FAM53B: variants seen among roughly 807,000 people sequenced by gnomAD.
The protein encoded by FAM53B is protein FAM53B.
Under a neutral mutation model 32.7 loss-of-function variants are expected in FAM53B, and 12 were observed. The ratio of observed to expected loss-of-function variants is 0.37; its 90% CI spans 0.24 to 0.59. The LOEUF (loss-of-function observed/expected upper bound fraction) is 0.59, where lower values mean the gene tolerates loss of function less well. Ranked by LOEUF, FAM53B falls within the 20% of genes least tolerant of loss-of-function variation. FAM53B has a pLI of 0.72. For synonymous variants in FAM53B, 234 were observed against 228.7 expected (o/e 1.02, Z -0.21); for missense variants, 477 against 577.7 (o/e 0.83, Z 1.79).
intron 4 of FAM53B, among the ~76,000 whole-genome samples, chr10:124,680,252 G>T (rs1387870302): frequency 6.6e-6 from 1 of 152,122 alleles, no homozygotes; most frequent in East Asian, 1.9e-4. Flanking sequence ...ACCCCTTCAG[G>T]CTCTCCCCCA....
At chr10:124,737,310 C>T (rs528281022) in intron 1 of FAM53B, among the ~76,000 whole-genome samples, 16 of 152,312 alleles carry the variant, frequency 1.1e-4, no homozygotes, top group African/African-American at 3.4e-4. Flanking sequence ...CAGACTGACA[C>T]ACTTTTGGCA....
chr10:124,638,985 T>C (rs986503712), intron 4 of FAM53B, among the ~76,000 whole-genome samples: 5 of 152,220 alleles, frequency 3.3e-5, no homozygotes, highest in African/African-American at 9.6e-5. Context: ...CTGCATTTGC[T>C]AAGGCTTTTC....
chr10:124,637,566 T>C (rs1410018178), intron 4 of FAM53B, among the ~76,000 whole-genome samples: 1 of 152,138 alleles, frequency 6.6e-6, no homozygotes, highest in Admixed American at 6.5e-5. Context: ...CCAGACCCAA[T>C]GGGCATGTCC....
Position 124,719,035 on chromosome 10 carries a change from T to G in FAM53B, c.-174-12148A>C, listed in dbSNP as rs959529141. ...TTAAGTGACAGAGAAAGATCCTGTC[T>G]CACAAAAAAAATAAAAAAAAAGAAG... On this transcript the variant is annotated intron_variant, in intron 1 of 4. Coordinates refer to ENST00000337318, the MANE Select transcript of FAM53B (RefSeq NM_014661.4). 3.5e-5 allele frequency among the ~76,000 whole-genome samples: 4 copies of G among 112,840 alleles called. No individual in the cohort carries two copies. The Admixed American group carries it at 4.4e-4, about 13-fold the overall frequency. 74.0% of individuals were successfully genotyped at this position (112,840 alleles called of 152,430 possible).
chr10:124,679,731 G>T (rs914167805), intron 4 of FAM53B, among the ~76,000 whole-genome samples: 7 of 152,234 alleles, frequency 4.6e-5, no homozygotes, highest in African/African-American at 1.7e-4. Flanking sequence ...GCCTCCTCAG[G>T]CTCCGCACAC....
chr10:124,694,994 T>C (rs2134077028), intron 3 of FAM53B, among the ~76,000 whole-genome samples: 1 of 152,314 alleles, frequency 6.6e-6, no homozygotes, highest in Non-Finnish European at 1.5e-5. Flanking sequence ...CGTATGTGAA[T>C]GATGCCACTG....
At chr10:124,688,560 G>A (rs1949815710) in intron 3 of FAM53B, among the ~76,000 whole-genome samples, 1 of 152,220 alleles carries the variant, frequency 6.6e-6, no homozygotes, top group Non-Finnish European at 1.5e-5. Flanking sequence ...TTCCAAAGCT[G>A]AGGTTTGATG....
intron 3 of FAM53B, among the ~76,000 whole-genome samples, chr10:124,688,686 C>T (rs182166707): frequency 2.0e-5 from 3 of 152,310 alleles, no homozygotes; most frequent in African/African-American, 4.8e-5. Flanking sequence ...AGGCTCTGGT[C>T]CTGCCACCGT....
intron 3 of FAM53B, among the ~76,000 whole-genome samples, chr10:124,695,861 A>G (rs1327890546): frequency 6.6e-6 from 1 of 152,230 alleles, no homozygotes; most frequent in African/African-American, 2.4e-5. Flanking sequence ...GGGCTACGAG[A>G]GATTTTTATT....
chr10:124,631,830 C>T (rs1414316985), intron 4 of FAM53B, among the ~76,000 whole-genome samples: 1 of 152,180 alleles, frequency 6.6e-6, no homozygotes. Flanking sequence ...TTCTCTCCCA[C>T]CAAAACCCGC....
chr10:124,642,326 T>G (rs1949481533), intron 4 of FAM53B, among the ~76,000 whole-genome samples: 1 of 152,068 alleles, frequency 6.6e-6, no homozygotes, highest in Non-Finnish European at 1.5e-5. Context: ...TGTGAACACG[T>G]CCACAGTGAC....
chr10:124,700,893 C>G (rs1298782958), intron 2 of FAM53B, among the ~76,000 whole-genome samples: 4 of 152,226 alleles, frequency 2.6e-5, no homozygotes, highest in African/African-American at 9.6e-5. Flanking sequence ...AGCACCCACA[C>G]TTCCGAAATG....
chr10:124,690,687 A>G (rs938932378), intron 3 of FAM53B, among the ~76,000 whole-genome samples: 1 of 152,254 alleles, frequency 6.6e-6, no homozygotes, highest in South Asian at 2.1e-4. Flanking sequence ...TGAATGGTAC[A>G]AGGAAGAATT....
At chr10:124,721,900 G>T (rs533006432) in intron 1 of FAM53B, among the ~76,000 whole-genome samples, 1 of 152,276 alleles carries the variant, frequency 6.6e-6, no homozygotes, top group African/African-American at 2.4e-5. Flanking sequence ...GGAAGGACAG[G>T]ATAAATACAC....
At chr10:124,680,656 T>C (rs1255308246) in intron 4 of FAM53B, among the ~76,000 whole-genome samples, 3 of 152,142 alleles carry the variant, frequency 2.0e-5, no homozygotes, top group African/African-American at 7.2e-5. Flanking sequence ...CCAACCCCTC[T>C]GAAACCATCT....
At chr10:124,664,409 G>GA (rs1031035055) in intron 4 of FAM53B, among the ~76,000 whole-genome samples, 5 of 152,224 alleles carry the variant, frequency 3.3e-5, no homozygotes, top group Admixed American at 2.0e-4. Context: ...TCGCCTTTAG[G>GA]AAACAGGTCA....
At position 124,651,327 on chromosome 10, in the gene FAM53B, C is replaced by A. The variant is rs966773107; in HGVS notation, c.907-27723G>T. Among the ~76,000 whole-genome samples the A allele has an allele frequency of 2.0e-5, 3 of 152,218 alleles. No homozygotes were observed. The highest frequency in any genetic ancestry group is 7.2e-5 in the African/African-American group (3 of 41,454). ...TTCCCTCTGCACCTTCCCAAAGGTGCAGAAGGAGGCTGGAGGGGTGCGGCT... is the reference window on the plus strand; with the variant it reads ...TTCCCTCTGCACCTTCCCAAAGGTGAAGAAGGAGGCTGGAGGGGTGCGGCT... On this transcript the variant is annotated intron_variant, in intron 4 of 4. Transcript: ENST00000337318. The surrounding 1 kb of genome is among the most constrained non-coding windows in gnomAD (Gnocchi z 5.2).
chr10:124,659,803 T>G (rs1372404618), intron 4 of FAM53B, among the ~76,000 whole-genome samples: 1 of 152,238 alleles, frequency 6.6e-6, no homozygotes, highest in Non-Finnish European at 1.5e-5. Flanking sequence ...CAGAGTCAAC[T>G]TTGCTTTTGT....
chr10:124,717,230 A>G (rs1193040475), intron 1 of FAM53B, among the ~76,000 whole-genome samples: 1 of 152,186 alleles, frequency 6.6e-6, no homozygotes, highest in Non-Finnish European at 1.5e-5. Flanking sequence ...GCTGGGCCAG[A>G]TAAGCTCCGT....
Sources: allele counts gnomAD v4.1 joint callset (sites outside exome capture counted in the v4.1 genomes callset), GRCh38; gene constraint gnomAD v4.1.1; non-coding constraint Gnocchi (gnomAD v3.1); transcripts MANE v1.5; gene names NCBI Gene and HGNC (gene_info 2026-07-23, HGNC 2026-07-21).